ZNF644: variants seen among roughly 807,000 people sequenced by gnomAD.
The protein encoded by ZNF644 is zinc finger protein 644.
ZNF644 carries 20 observed loss-of-function variants against 108.0 expected under a neutral mutation model. That is an observed-to-expected ratio of 0.19 (90% CI 0.13 to 0.27). ZNF644 has a LOEUF of 0.27. Among genes scored for constraint, ZNF644 ranks in the 10% least tolerant of loss-of-function variants. The probability of loss-of-function intolerance (pLI) is 1.00; values close to 1 mark genes in which losing one functional copy is unlikely to be tolerated. For missense variants in ZNF644, 1,338 were observed against 1,548.9 expected (o/e 0.86, Z 2.29); for synonymous variants, 542 against 539.1 (o/e 1.01, Z -0.08).
intron 1 of ZNF644, among the ~76,000 whole-genome samples, chr1:90,988,698 A>G (rs1657349957): frequency 6.6e-6 from 1 of 152,194 alleles, no homozygotes. Flanking sequence ...ATATAAACCA[A>G]TGAAACAAAA....
chr1:90,933,362 A>ATT (rs901789817), intron 4 of ZNF644, among the ~76,000 whole-genome samples: 1 of 152,104 alleles, frequency 6.6e-6, no homozygotes, highest in Non-Finnish European at 1.5e-5. Context: ...AATAGTCCCC[A>ATT]TTTTAAACCC....
Position 90,937,898 on chromosome 1 carries a change from A to G in ZNF644, c.3275T>C (p.Ile1092Thr), listed in dbSNP as rs767466516. 2 of 1,613,670 alleles carry G rather than the reference A, an allele frequency of 1.2e-6. No homozygotes were observed. Among genetic ancestry groups the G allele is most frequent in the Admixed American group, 3.3e-5 (2 of 60,006 alleles). The change falls in exon 4 of 6, where the codon ATC becomes ACC. Residue 1092 changes from isoleucine to threonine, a missense_variant. Ile to Thr is a moderately conservative substitution (Grantham distance 89, BLOSUM62 -1). Transcript: ENST00000337393. ...MMQNEEKYEKILKALNSRRII... is the reference protein window; with the variant it reads ...MMQNEEKYEKTLKALNSRRII... ...ACGACGACTGTTCAATGCCTTTAAG[A>G]TTTTTTCATATTTTTCTTCATTTTG...
Position 90,938,366 on chromosome 1 carries a change from A to G in ZNF644, c.2988T>C (p.Arg996=). ...CTATTTGTTCTGGTGATACAACATG[A>G]CGGGCTTCATAGCTTAATCCTGCTC... ...LHRAGLSYEA[R]HVVSPEQIAT... The change falls in exon 3 of 6, where the codon CGT becomes CGC. Residue 996 remains arginine (R), a synonymous_variant. Transcript: ENST00000337393. The surrounding 1 kb of genome is among the most constrained non-coding windows in gnomAD (Gnocchi z 4.2). 1 of 1,613,988 alleles carries G rather than the reference A, an allele frequency of 6.2e-7. No homozygotes were observed. Among genetic ancestry groups the G allele is most frequent in the African/African-American group, 1.3e-5 (1 of 75,034 alleles).
At chr1:91,003,295 T>C (rs1197637557) in intron 1 of ZNF644, among the ~76,000 whole-genome samples, 8 of 152,086 alleles carry the variant, frequency 5.3e-5, no homozygotes, top group African/African-American at 1.7e-4. Context: ...TGTCCATCAA[T>C]GATAGACTGG....
At chr1:90,922,345 C>T (rs1042693495) in intron 4 of ZNF644, among the ~76,000 whole-genome samples, 32 of 152,222 alleles carry the variant, frequency 2.1e-4, no homozygotes, top group African/African-American at 7.5e-4. Context: ...GCACAGTATA[C>T]CCCTACGAGA....
chr1:90,937,963 A>G lies in ZNF644; in HGVS notation c.3210T>C (p.Asp1070=). The change falls in exon 4 of 6, where the codon GAT becomes GAC. Residue 1070 remains aspartate (D), a synonymous_variant. Transcript: ENST00000337393. ...HLKRLGKTKW[D]AHKSPICVLN... is the part of the protein sequence containing the mutation. ...GAACACAGATTGGAGATTTGTGAGC[A>G]TCCCATTTCGTCTTTCCAAGTCTTT... The G allele has an allele frequency of 6.2e-7, 1 of 1,612,956 alleles. No individual in the cohort carries two copies. The highest frequency in any genetic ancestry group is 1.1e-5 in the South Asian group (1 of 91,070).
At chr1:90,990,873 T>C (rs1183102581) in intron 1 of ZNF644, among the ~76,000 whole-genome samples, 4 of 152,066 alleles carry the variant, frequency 2.6e-5, no homozygotes, top group Admixed American at 2.0e-4. Context: ...TCCTGAACTA[T>C]ATGCTGTTAA....
At chr1:90,935,344 C>T in intron 4 of ZNF644, 1 of 984,710 alleles carries the variant, frequency 1.0e-6, no homozygotes, top group Non-Finnish European at 1.2e-6. Flanking sequence ...TAACACCAGT[C>T]TGGTGGGGAA....
chr1:90,955,468 G>A (rs1396628966), intron 2 of ZNF644, among the ~76,000 whole-genome samples: 2 of 152,180 alleles, frequency 1.3e-5, no homozygotes, highest in Non-Finnish European at 2.9e-5. Context: ...AAATCTGTTG[G>A]TTAGTGTAGC....
rs759994341 is a variant in ZNF644, at chr1:90,940,112, C to A, written c.1242G>T (p.Lys414Asn). 6.2e-7 allele frequency: 1 copy of A among 1,614,056 alleles called. No individual in the cohort carries two copies. The highest frequency in any genetic ancestry group is 8.5e-7 in the Non-Finnish European group (1 of 1,179,966). The change falls in exon 3 of 6, where the codon AAG becomes AAT. Residue 414 changes from lysine (K) to asparagine (N), a missense_variant. Lys to Asn is a moderately conservative substitution (Grantham distance 94). Transcript: ENST00000337393. ...TEEPSFYPCT[K>N]CNVNFREKKH... is the part of the protein sequence containing the mutation. Reference sequence around the variant, plus strand: ...TCTTCTCCCTAAAATTCACATTGCACTTTGTACAGGGGTAGAATGATGGCT... The same window carrying A: ...TCTTCTCCCTAAAATTCACATTGCAATTTGTACAGGGGTAGAATGATGGCT...
intron 1 of ZNF644, among the ~76,000 whole-genome samples, chr1:90,996,613 C>G (rs961027457): frequency 6.6e-6 from 1 of 152,022 alleles, no homozygotes; most frequent in Non-Finnish European, 1.5e-5. Context: ...GGTGGTACCC[C>G]GTCTCTAAAT....
rs11589842 is a variant in ZNF644 at position 91,006,129 on chromosome 1, T to C, written c.-18+15861A>G. Among the ~76,000 whole-genome samples the C allele has an allele frequency of 1.9e-3, 287 of 152,242 alleles. 1 individual carries two copies. The highest frequency in any genetic ancestry group is 6.8e-3 in the Middle Eastern group (2 of 294). On this transcript the variant is annotated intron_variant, in intron 1 of 5. Transcript: ENST00000337393. ...TGCAACTGTATGCCAACAAATTACA[T>C]AGTGTAGATGAAATGGACAAATTCC...
At position 90,953,432 on chromosome 1, in the gene ZNF644, C is replaced by T. The variant is rs535452508; in HGVS notation, c.45-12123G>A. On this transcript the variant is annotated intron_variant, in intron 2 of 5. Coordinates refer to ENST00000337393, the MANE Select transcript of ZNF644 (RefSeq NM_201269.3). ...GGAAAAATAGCTAATGCATGCTGGG[C>T]TTAATATGTAGGTGATGGGTTGACA... is the stretch of plus-strand genomic sequence containing the variant. 4.0e-5 allele frequency among the ~76,000 whole-genome samples: 6 copies of T among 151,330 alleles called. No homozygotes were observed. In the South Asian group the frequency reaches 1.0e-3, roughly 26 times the overall value.
chr1:90,941,056 C>T lies in ZNF644; in HGVS notation c.298G>A (p.Ala100Thr). Residue 100 changes from alanine (A) to threonine (T), a missense_variant, in exon 3 of 6, where the codon GCT (alanine) becomes ACT (threonine). By Grantham distance (58) the Ala-to-Thr change is moderately conservative (BLOSUM62 0). Coordinates refer to ENST00000337393, the MANE Select transcript of ZNF644 (RefSeq NM_201269.3). ...AAGTTTTCACTAGAAACAGTAGGAGCACCAGCATGTATAAATAGACTAGAC... is the reference window on the plus strand; with the variant it reads ...AAGTTTTCACTAGAAACAGTAGGAGTACCAGCATGTATAAATAGACTAGAC... Reference protein sequence around the residue: ...GQSSLFIHAGAPTVSSENFIL... With the variant: ...GQSSLFIHAGTPTVSSENFIL... 6.2e-7 allele frequency: 1 copy of T among 1,614,156 alleles called. No homozygotes were observed. Among genetic ancestry groups the T allele is most frequent in the Non-Finnish European group, 8.5e-7 (1 of 1,179,984 alleles).
At chr1:90,988,102 A>G (rs935206501) in intron 1 of ZNF644, among the ~76,000 whole-genome samples, 2 of 152,162 alleles carry the variant, frequency 1.3e-5, no homozygotes, top group African/African-American at 2.4e-5. Context: ...TCAAATTGGA[A>G]AGAAGTAAAA....
At chr1:90,968,420 A>T (rs541938480) in intron 2 of ZNF644, among the ~76,000 whole-genome samples, 1 of 152,228 alleles carries the variant, frequency 6.6e-6, no homozygotes, top group South Asian at 2.1e-4. Context: ...ATTCTAATAT[A>T]TTTCGGTTTT....
intron 2 of ZNF644, among the ~76,000 whole-genome samples, chr1:90,962,259 T>G (rs1364955100): frequency 2.0e-5 from 3 of 151,992 alleles, no homozygotes; most frequent in Non-Finnish European, 4.4e-5. Context: ...TTATTATTAT[T>G]ATGCCATGTA....
At chr1:90,964,526 A>C (rs991822110) in intron 2 of ZNF644, among the ~76,000 whole-genome samples, 5 of 152,168 alleles carry the variant, frequency 3.3e-5, no homozygotes, top group African/African-American at 1.2e-4. Context: ...AGAAGAATCA[A>C]ACATTTACTA....
intron 1 of ZNF644, among the ~76,000 whole-genome samples, chr1:91,017,746 G>C (rs886418838): frequency 1.3e-5 from 2 of 152,184 alleles, no homozygotes; most frequent in East Asian, 1.9e-4. Context: ...TGAATCACCT[G>C]AGGTCAGGAG....
Sources: allele counts gnomAD v4.1 joint callset (sites outside exome capture counted in the v4.1 genomes callset), GRCh38; gene constraint gnomAD v4.1.1; non-coding constraint Gnocchi (gnomAD v3.1); transcripts MANE v1.5; gene names NCBI Gene and HGNC (gene_info 2026-07-23, HGNC 2026-07-21).